The following THNSL2 variants were observed in gnomAD, a reference collection of about 807,000 sequenced individuals.
THNSL2 encodes the protein threonine synthase-like 2.
THNSL2 carries 34 observed loss-of-function variants against 40.0 expected under a neutral mutation model. That is an observed-to-expected ratio of 0.85 (90% CI 0.65 to 1.13). The LOEUF is 1.13. THNSL2 is among the 50% of genes most tolerant of loss of function. The pLI, the probability that THNSL2 is intolerant of heterozygous loss-of-function variation, is 0.00. For synonymous variants in THNSL2, 241 were observed against 247.5 expected (o/e 0.97, Z 0.25); for missense variants, 537 against 608.8 (o/e 0.88, Z 1.24).
chr2:88,183,973 A>AT (rs1677985810), intron 7 of THNSL2, among the ~76,000 whole-genome samples: 1 of 152,182 alleles, frequency 6.6e-6, no homozygotes, highest in African/African-American at 2.4e-5. Flanking sequence ...CTGATTCTAC[A>AT]TCCGAGTGTT....
At chr2:88,171,120 C>T in intron 1 of THNSL2, 1 of 374,260 alleles carries the variant, frequency 2.7e-6, no homozygotes, top group South Asian at 2.0e-5. Flanking sequence ...CCTCATAGAG[C>T]AGCCCAACAA....
rs758750812 is a variant in THNSL2, at chr2:88,178,794, A to G, written c.583A>G (p.Ser195Gly). 3 of 1,614,018 alleles carry G rather than the reference A, an allele frequency of 1.9e-6. No homozygotes were observed. In the East Asian group the frequency reaches 6.7e-5, roughly 36 times the overall value. Residue 195 changes from serine to glycine, a missense_variant, in exon 5 of 9, where the codon AGC (serine) becomes GGC (glycine). Ser to Gly is a moderately conservative substitution (Grantham distance 56, BLOSUM62 0). Transcript: ENST00000674334. ...NVHVFGVEGNSDELDEPIKTV... is the reference protein window; with the variant it reads ...NVHVFGVEGNGDELDEPIKTV... ...CTCCCCCCTGGCAGTGGAGGGAAAC[A>G]GCGATGAGCTCGATGAGCCGATCAA...
At chr2:88,175,436 A>G in intron 4 of THNSL2, 35 bp downstream of exon 4, 1 of 1,604,480 alleles carries the variant, frequency 6.2e-7, no homozygotes, top group Non-Finnish European at 8.5e-7. Flanking sequence ...GGGACAGTGC[A>G]GCCCTGCCTT....
In THNSL2 at chr2:88,174,854, C is replaced by A. The variant is rs62157022; in HGVS notation, c.418+21C>A. The A allele has an allele frequency of 4.7e-3, 7,613 of 1,611,034 alleles. 22 individuals are homozygous for A. Among genetic ancestry groups the A allele is most frequent in the Non-Finnish European group, 5.6e-3 (6,598 of 1,177,842 alleles). ...TGTAGGTGTGTTTTTGGGGCACAAA[C>A]GCAGAATACCTGAGTGCTGTGACTG... On this transcript the variant is annotated intron_variant, in intron 3 of 8. Coordinates refer to ENST00000674334, the MANE Select transcript of THNSL2 (RefSeq NM_018271.5).
At chr2:88,180,667 T>C (rs1677440238) in intron 5 of THNSL2, among the ~76,000 whole-genome samples, 1 of 152,186 alleles carries the variant, frequency 6.6e-6, no homozygotes, top group African/African-American at 2.4e-5. Flanking sequence ...GATAAACTGC[T>C]CACGAAAGCA....
chr2:88,171,466 T>C lies in THNSL2; in HGVS notation c.-13+1010T>C, dbSNP rs1436368613. ...GGAAGGGCATTTGAAAAATATTTTC[T>C]TTCGCTGTACCTTACTGCCTTGCTC... On this transcript the variant is annotated intron_variant, in intron 1 of 8. Coordinates refer to ENST00000674334, the MANE Select transcript of THNSL2 (RefSeq NM_018271.5). The C allele has an allele frequency of 1.8e-5, 7 of 389,840 alleles. 1 individual carries two copies. Among genetic ancestry groups the C allele is most frequent in the South Asian group, 1.3e-4 (7 of 53,100 alleles). 24.1% of individuals were successfully genotyped at this position (389,840 alleles called of 1,614,324 possible). A position where few individuals can be genotyped will look rare whatever the true frequency, so the allele number is the denominator to read the frequency against.
chr2:88,175,083 A>G (rs1370088236), intron 3 of THNSL2, among the ~76,000 whole-genome samples, 166 bp from the exon 4 acceptor site: 1 of 152,164 alleles, frequency 6.6e-6, no homozygotes, highest in Non-Finnish European at 1.5e-5. Context: ...TATGTCCTGA[A>G]TTTTATCCGT....
chr2:88,185,288 C>CA, intron 7 of THNSL2, 40 bp from the exon 8 acceptor site: 1 of 1,580,816 alleles, frequency 6.3e-7, no homozygotes. Flanking sequence ...TCCCTACATC[C>CA]CCCCCCCACA....
At chr2:88,182,002 T>A (rs909785596) in intron 5 of THNSL2, among the ~76,000 whole-genome samples, 1 of 152,238 alleles carries the variant, frequency 6.6e-6, no homozygotes, top group Non-Finnish European at 1.5e-5. Context: ...ATATTTTGTT[T>A]ATCAGTTTAT....
At position 88,178,692 on chromosome 2, in the gene THNSL2, C is replaced by T. The variant is rs561393904; in HGVS notation, c.572-91C>T. 6.4e-6 allele frequency: 9 copies of T among 1,415,562 alleles called. No individual in the cohort carries two copies. In the East Asian group the frequency reaches 1.6e-4, roughly 25 times the overall value. The allele number at this position is 1,415,562 out of a possible 1,614,324, so 87.7% of individuals were successfully genotyped here. A position where few individuals can be genotyped will look rare whatever the true frequency, so the allele number is the denominator to read the frequency against. ...CGCGAAGGTCCCAGGAGGGTGGGCT[C>T]AGCCTGGGAGGGCCCTGTCGCAGGT... On this transcript the variant is annotated intron_variant, in intron 4 of 8. Transcript: ENST00000674334.
At chr2:88,177,488 AT>A (rs1677060690) in intron 4 of THNSL2, among the ~76,000 whole-genome samples, 1 of 152,192 alleles carries the variant, frequency 6.6e-6, no homozygotes, top group Non-Finnish European at 1.5e-5. Flanking sequence ...GTTATTTGAG[AT>A]GCTTTTGGCT....
chr2:88,171,808 A>C (rs1573162723), intron 1 of THNSL2: 1 of 154,364 alleles, frequency 6.5e-6, no homozygotes, highest in African/African-American at 2.4e-5. Context: ...CCAGAGAGAG[A>C]GTTCTGGCTT....
intron 1 of THNSL2, chr2:88,172,888 T>G (rs888585923): frequency 3.1e-6 from 1 of 321,304 alleles, no homozygotes; most frequent in Non-Finnish European, 5.7e-6. Context: ...CCCGGCATGC[T>G]CCGATACCCT....
chr2:88,183,801 AT>A (rs1677967078), intron 7 of THNSL2: 1 of 147,544 alleles, frequency 6.8e-6, no homozygotes, highest in South Asian at 2.2e-4. Context: ...AAAAAAAAGG[AT>A]TTCTGAAGCT....
chr2:88,184,840 G>A (rs1043786562), intron 7 of THNSL2, among the ~76,000 whole-genome samples: 7 of 152,130 alleles, frequency 4.6e-5, no homozygotes, highest in Admixed American at 3.3e-4. Flanking sequence ...CAGGGTGTTT[G>A]GTGTATTGTA....
In THNSL2 at chr2:88,174,747, C is replaced by T. The variant is rs763570634; in HGVS notation, c.332C>T (p.Ala111Val). The T allele has an allele frequency of 3.7e-6, 6 of 1,614,208 alleles. No homozygotes were observed. In the Admixed American group the frequency reaches 8.3e-5, roughly 22 times the overall value. ...VLELWHGVTY[A>V]FKDLSLSCTT... Reference sequence around the variant, plus strand: ...GAGCTGTGGCATGGCGTCACATATGCATTTAAGGACCTGTCCCTGTCCTGC... The same window carrying T: ...GAGCTGTGGCATGGCGTCACATATGTATTTAAGGACCTGTCCCTGTCCTGC... The change falls in exon 3 of 9, where the codon GCA (alanine) becomes GTA (valine). Residue 111 changes from alanine to valine, a missense_variant. By Grantham distance (64) the Ala-to-Val change is moderately conservative (BLOSUM62 0). Transcript: ENST00000674334.
chr2:88,182,790 A>G lies in THNSL2; in HGVS notation c.894A>G (p.Gly298=). Reference sequence around the variant, plus strand: ...TCATCCACAGGACTGTCCAGCAGGGAGACTTCTCTCTCTCTGAGGCTGTTA... The same window carrying G: ...TCATCCACAGGACTGTCCAGCAGGGGGACTTCTCTCTCTCTGAGGCTGTTA... The part of the protein sequence containing the change: ...NDIIHRTVQQ[G]DFSLSEAVKS... Residue 298 remains glycine, a synonymous_variant, in exon 6 of 9, where the codon GGA becomes GGG. Transcript: ENST00000674334. The G allele has an allele frequency of 6.2e-7, 1 of 1,614,122 alleles. No homozygotes were observed. Among genetic ancestry groups the G allele is most frequent in the Non-Finnish European group, 8.5e-7 (1 of 1,180,038 alleles).
At position 88,186,209 on chromosome 2, in the gene THNSL2, T is replaced by C. The variant is rs929023112; in HGVS notation, c.*86T>C. The C allele has an allele frequency of 4.2e-5, 57 of 1,360,080 alleles. No individual in the cohort carries two copies. In the African/African-American group the frequency reaches 7.5e-4, roughly 18 times the overall value. 84.3% of individuals were successfully genotyped at this position (1,360,080 alleles called of 1,614,324 possible). ...CCTTGTGCACCCTCCCCATTAAGCG[T>C]AGGTTAGGAGGTTTCCGGGAGGCTG... On this transcript the variant is annotated 3_prime_UTR_variant, in exon 9 of 9. Coordinates refer to ENST00000674334, the MANE Select transcript of THNSL2 (RefSeq NM_018271.5).
intron 1 of THNSL2, 58 bp from the exon 2 acceptor site, chr2:88,173,081 G>T: frequency 2.3e-6 from 3 of 1,281,676 alleles, no homozygotes; most frequent in Non-Finnish European, 3.2e-6. Context: ...CTTTGGCTTT[G>T]CCCGGTGGGG....
Sources: gnomAD v4.1 joint callset for allele counts (sites outside exome capture counted in the v4.1 genomes callset) on GRCh38, gnomAD v4.1.1 for gene constraint, MANE v1.5 for transcripts, NCBI Gene and HGNC (gene_info 2026-07-23, HGNC 2026-07-21) for gene names.